Variants in SLC5A10 observed in about 807,000 individuals in gnomAD.
SLC5A10 encodes the protein sodium/mannose cotransporter SLC5A10.
A neutral mutation model predicts 68.9 loss-of-function variants in SLC5A10; 55 were observed. The ratio of observed to expected loss-of-function variants is 0.80; its 90% confidence interval spans 0.64 to 1.00. The LOEUF (loss-of-function observed/expected upper bound fraction) is 1.00, where lower values mean the gene tolerates loss of function less well. Ranked by LOEUF, SLC5A10 falls within the 50% of genes least tolerant of loss-of-function variation. The pLI, the probability that SLC5A10 is intolerant of heterozygous loss-of-function variation, is 0.00. For synonymous variants in SLC5A10, 344 were observed against 344.8 expected (o/e 1.00, Z 0.02); for missense variants, 732 against 819.3 (o/e 0.89, Z 1.30).
Position 18,969,175 on chromosome 17 carries a change from G to A in SLC5A10, c.559+18G>A, listed in dbSNP as rs773157298. 1 of 1,612,008 alleles carries A rather than the reference G, an allele frequency of 6.2e-7. No homozygotes were observed. The highest frequency in any genetic ancestry group is 1.1e-5 in the South Asian group (1 of 90,774). ...CATCGCAGGTATGGTGCCTGCAGCA[G>A]GGAGGTCCACCCAGGGGACGTGTAA... On this transcript the variant is annotated intron_variant, in intron 6 of 14. Coordinates refer to ENST00000395645, the MANE Select transcript of SLC5A10 (RefSeq NM_001042450.4).
intron 9 of SLC5A10, among the ~76,000 whole-genome samples, chr17:18,999,058 T>C (rs1235312880): frequency 1.3e-5 from 2 of 152,034 alleles, no homozygotes; most frequent in Non-Finnish European, 2.9e-5. Context: ...GGCGGGTGGA[T>C]CACAAGGTCA....
chr17:18,983,884 TC>T (rs1236499570), intron 9 of SLC5A10, among the ~76,000 whole-genome samples: 2 of 152,206 alleles, frequency 1.3e-5, no homozygotes, highest in Non-Finnish European at 1.5e-5. Context: ...CCAAGGCTGC[TC>T]AGCCTCTGCA....
At position 19,003,578 on chromosome 17, in the gene SLC5A10, A is replaced by G. The variant is rs757874463; in HGVS notation, c.983-9832A>G. The G allele has an allele frequency of 8.8e-6, 14 of 1,596,406 alleles. No individual in the cohort carries two copies. Among genetic ancestry groups the G allele is most frequent in the South Asian group, 1.1e-5 (1 of 88,808 alleles). On this transcript the variant is annotated intron_variant, in intron 9 of 14. Coordinates refer to ENST00000395645, the MANE Select transcript of SLC5A10 (RefSeq NM_001042450.4). The surrounding 1 kb of genome is among the most constrained non-coding windows in gnomAD (Gnocchi z 4.5). ...CTCTTTGATGTGGGCCTGCCCGTCTATGGGGGGCTGCATGTAGACGCTAGC... is the reference window on the plus strand; with the variant it reads ...CTCTTTGATGTGGGCCTGCCCGTCTGTGGGGGGCTGCATGTAGACGCTAGC...
At chr17:18,983,022 C>T (rs996643315) in intron 9 of SLC5A10, among the ~76,000 whole-genome samples, 2 of 152,222 alleles carry the variant, frequency 1.3e-5, no homozygotes, top group South Asian at 2.1e-4. Context: ...CTGGAAGTGG[C>T]GCAGTGGGCT....
chr17:19,013,334 G>A, intron 9 of SLC5A10, 76 bp from the exon 10 acceptor site: 1 of 1,583,856 alleles, frequency 6.3e-7, no homozygotes, highest in Non-Finnish European at 8.6e-7. Context: ...CCAGGCTCCT[G>A]CCCCCAGCCC....
In SLC5A10 at chr17:19,018,997, T is replaced by A. The variant is rs1467710796; in HGVS notation, c.1242-426T>A. 1 of 174,260 alleles carries A rather than the reference T, an allele frequency of 5.7e-6. No individual in the cohort carries two copies. Among genetic ancestry groups the A allele is most frequent in the South Asian group, 1.7e-4 (1 of 5,882 alleles). The allele number at this position is 174,260 out of a possible 1,614,324, so 10.8% of individuals were successfully genotyped here. ...TACTATATGCTGGGAGACACAGCAA[T>A]GAACTAAAGAGATGAGGCTCCTGCT... On this transcript the variant is annotated intron_variant, in intron 11 of 14. Coordinates refer to ENST00000395645, the MANE Select transcript of SLC5A10 (RefSeq NM_001042450.4). This position sits in a 1 kb window ranked among gnomAD's most constrained non-coding sequence, Gnocchi z 4.2.
intron 1 of SLC5A10, among the ~76,000 whole-genome samples, chr17:18,956,893 A>G (rs1597811686): frequency 6.6e-6 from 1 of 152,024 alleles, no homozygotes; most frequent in Admixed American, 6.6e-5. Flanking sequence ...GCTCATAAAA[A>G]CCCTGTGAGG....
At chr17:18,973,218 T>C (rs1249370956) in intron 8 of SLC5A10, among the ~76,000 whole-genome samples, 1 of 152,218 alleles carries the variant, frequency 6.6e-6, no homozygotes, top group Admixed American at 6.5e-5. Flanking sequence ...CAATGCAGCA[T>C]GGGCTTGGCA....
chr17:18,957,032 C>G (rs1366752972), intron 1 of SLC5A10, among the ~76,000 whole-genome samples: 1 of 152,048 alleles, frequency 6.6e-6, no homozygotes, highest in East Asian at 1.9e-4. Context: ...ACCTGTAATC[C>G]CAGCTACTCG....
At chr17:18,977,511 A>T in intron 9 of SLC5A10, 1 of 1,425,998 alleles carries the variant, frequency 7.0e-7, no homozygotes, top group African/African-American at 1.4e-5. Flanking sequence ...AGCCCAGAAG[A>T]CAACAGCTCG....
chr17:18,962,849 C>T (rs1193923608), intron 5 of SLC5A10, among the ~76,000 whole-genome samples: 2 of 152,156 alleles, frequency 1.3e-5, no homozygotes, highest in Non-Finnish European at 2.9e-5. Flanking sequence ...TTTCACCCTG[C>T]TGGCTTCTCT....
intron 9 of SLC5A10, among the ~76,000 whole-genome samples, chr17:18,982,628 G>A (rs1488398704): frequency 6.6e-6 from 1 of 152,178 alleles, no homozygotes; most frequent in East Asian, 1.9e-4. Context: ...CTCAGCGGGT[G>A]GCAAGGCAAG....
chr17:18,989,770 T>C (rs576877306), intron 9 of SLC5A10, among the ~76,000 whole-genome samples: 2 of 152,302 alleles, frequency 1.3e-5, no homozygotes, highest in South Asian at 4.1e-4. Flanking sequence ...ACAGGCACCA[T>C]GGTGGTGACA....
intron 9 of SLC5A10, among the ~76,000 whole-genome samples, chr17:18,985,272 C>T (rs2043241997): frequency 6.6e-6 from 1 of 152,198 alleles, no homozygotes; most frequent in Non-Finnish European, 1.5e-5. Context: ...GACCATGTCC[C>T]CATTTTGTAG....
At chr17:18,988,528 T>A (rs1032354066) in intron 9 of SLC5A10, 2 of 1,517,102 alleles carry the variant, frequency 1.3e-6, no homozygotes, top group Non-Finnish European at 1.8e-6. Flanking sequence ...GTGCCCACTC[T>A]GGCCCTACTC....
At chr17:18,977,321 G>T in intron 9 of SLC5A10, 1 of 579,972 alleles carries the variant, frequency 1.7e-6, no homozygotes, top group Non-Finnish European at 3.0e-6. Flanking sequence ...AGGCTTTGGA[G>T]ACCTCTAGGT....
chr17:18,955,181 G>C (rs557043228), intron 1 of SLC5A10, among the ~76,000 whole-genome samples: 2 of 151,460 alleles, frequency 1.3e-5, no homozygotes, highest in East Asian at 1.9e-4. Context: ...GGGATTCACA[G>C]CATTATTAAG....
At chr17:18,978,477 G>T in intron 9 of SLC5A10, 1 of 1,611,766 alleles carries the variant, frequency 6.2e-7, no homozygotes. Flanking sequence ...AGCAGTCCTG[G>T]GTGGATGGGT....
At chr17:19,015,225 G>GGTGGGGGCCAGTACGGAA (rs2044115071) in intron 11 of SLC5A10, 26 bp downstream of exon 11, 1 of 1,043,526 alleles carries the variant, frequency 9.6e-7, no homozygotes, top group Non-Finnish European at 1.4e-6. Context: ...CCAGTACGGG[G>GGTGGGGGCCAGTACGGAA]GTGGGGGAAC....
Sources: gnomAD v4.1 joint callset for allele counts (sites outside exome capture counted in the v4.1 genomes callset) on GRCh38, gnomAD v4.1.1 for gene constraint, Gnocchi (gnomAD v3.1) non-coding constraint, MANE v1.5 for transcripts, NCBI Gene and HGNC (gene_info 2026-07-23, HGNC 2026-07-21) for gene names.